The following ART3 variants were observed in gnomAD, a reference collection of about 807,000 sequenced individuals.
ART3 encodes ADP-ribosyltransferase 3 (inactive), also known as ecto-ADP-ribosyltransferase 3.
ART3 carries 49 observed loss-of-function variants against 48.5 expected under a neutral mutation model. The observed-to-expected ratio is 1.01, with a 90% CI of 0.80 to 1.28. ART3 has a LOEUF of 1.28. ART3 is among the 50% of genes most tolerant of loss of function. The pLI is 0.00. For synonymous variants in ART3, 145 were observed against 157.2 expected (o/e 0.92, Z 0.58); for missense variants, 438 against 454.3 (o/e 0.96, Z 0.33).
chr4:76,061,852 A>G (rs1719243775), intron 1 of ART3, among the ~76,000 whole-genome samples: 1 of 152,208 alleles, frequency 6.6e-6, no homozygotes, highest in Non-Finnish European at 1.5e-5. Context: ...GGGCTCAGTA[A>G]ATGTTGGTTT....
chr4:76,108,710 G>A (rs1054590654), intron 11 of ART3, among the ~76,000 whole-genome samples: 4 of 152,162 alleles, frequency 2.6e-5, no homozygotes, highest in South Asian at 4.1e-4. Flanking sequence ...TGATTTTGTC[G>A]TTGTGCAAAC....
chr4:76,103,867 A>G, intron 8 of ART3, 70 bp from the exon 9 acceptor site: 1 of 1,315,346 alleles, frequency 7.6e-7, no homozygotes, highest in Non-Finnish European at 1.0e-6. Flanking sequence ...GAGGAAATAT[A>G]GACAAAAGAA....
rs1734191385 is a variant in ART3, at chr4:76,034,759, G to A, written c.-10+23439G>A. ...TAAACTTGTTCTAGGTTTTTCAGAT[G>A]CTCTTTTCCAGGACTTCATATGTTT... On this transcript the variant is annotated intron_variant, in intron 1 of 9. Coordinates refer to the ART3 transcript ENST00000341029. The A allele has an allele frequency of 2.1e-6, 3 of 1,445,706 alleles. No individual in the cohort carries two copies. In the African/African-American group the frequency reaches 4.2e-5, roughly 20 times the overall value. The allele number at this position is 1,445,706 out of a possible 1,614,324, so 89.6% of individuals were successfully genotyped here.
chr4:76,079,046 A>C (rs952675387), intron 2 of ART3, among the ~76,000 whole-genome samples: 7 of 152,044 alleles, frequency 4.6e-5, no homozygotes, highest in African/African-American at 1.4e-4. Context: ...GTGCCACTGC[A>C]CTCCAGCCTG....
chr4:76,028,468 G>A (rs1296024201), intron 1 of ART3, among the ~76,000 whole-genome samples: 3 of 152,170 alleles, frequency 2.0e-5, no homozygotes, highest in African/African-American at 7.2e-5. Flanking sequence ...AGACAACAAT[G>A]AAAAAAGGAA....
chr4:76,102,436 A>G lies in ART3; in HGVS notation c.937+1417A>G, dbSNP rs1387833671. On this transcript the variant is annotated intron_variant, in intron 8 of 11. Coordinates refer to ENST00000355810, the MANE Select transcript of ART3 (RefSeq NM_001130016.3). Reference sequence around the variant, plus strand: ...TGGTCTGTTGGGGCCTTCTGCAGAAACTTAGTCTGAAGCAATGGCCTCCTA... The same window carrying G: ...TGGTCTGTTGGGGCCTTCTGCAGAAGCTTAGTCTGAAGCAATGGCCTCCTA... Among the ~76,000 whole-genome samples the G allele has an allele frequency of 5.9e-5, 9 of 152,128 alleles. No homozygotes were observed. The East Asian group carries it at 1.7e-3, about 29-fold the overall frequency.
rs537673129 is a variant in ART3, at chr4:76,043,549, C to T, written c.-10+32229C>T. Among the ~76,000 whole-genome samples, 164 of 152,242 alleles carry T rather than the reference C, an allele frequency of 1.1e-3. 2 individuals are homozygous for T. The highest frequency in any genetic ancestry group is 0.01 in the Middle Eastern group (3 of 294). The stretch of plus-strand genomic sequence containing the variant: ...CCTGGGTGCTAAGCCCCTCATTGCC[C>T]GGGGCCGGCAGGGCTGGCCAGCTGT... On this transcript the variant is annotated intron_variant, in intron 1 of 9. Coordinates refer to the ART3 transcript ENST00000341029.
chr4:76,083,174 G>A (rs1351555604), intron 3 of ART3, among the ~76,000 whole-genome samples: 3 of 152,120 alleles, frequency 2.0e-5, no homozygotes, highest in Non-Finnish European at 4.4e-5. Context: ...CTGCAGTCTT[G>A]CAGCAGAGCA....
At chr4:76,045,927 C>T (rs1439226452) in intron 1 of ART3, among the ~76,000 whole-genome samples, 2 of 152,078 alleles carry the variant, frequency 1.3e-5, no homozygotes. Flanking sequence ...GTCCCTTTGG[C>T]TAAGATTAGG....
At chr4:76,099,795 T>C (rs1200487089) in intron 5 of ART3, among the ~76,000 whole-genome samples, 2 of 152,254 alleles carry the variant, frequency 1.3e-5, no homozygotes, top group Non-Finnish European at 2.9e-5. Context: ...TTATCATGTG[T>C]TTGGCTCATG....
In ART3 at chr4:76,112,496, A is replaced by G. The variant is rs1315644943; in HGVS notation, c.1147A>G (p.Ile383Val). Reference sequence around the variant, plus strand: ...CATCATTTTAATCAGTGTTTCTGCTATAAATCTCTTTGTTGCTCTGTAGTT... The same window carrying G: ...CATCATTTTAATCAGTGTTTCTGCTGTAAATCTCTTTGTTGCTCTGTAGTT... ...MVIILISVSA[I>V]NLFVAL The change falls in exon 12 of 12, where the codon ATA becomes GTA. Residue 383 changes from isoleucine (I) to valine (V), a missense_variant. Around this residue, in one of 3 missense-constraint regions of ART3, gnomAD observed 227 missense variants for 229.6 expected, o/e 0.99. Transcript: ENST00000355810. 10 of 1,613,876 alleles carry G rather than the reference A, an allele frequency of 6.2e-6. No homozygotes were observed. Among genetic ancestry groups the G allele is most frequent in the Non-Finnish European group, 8.5e-6 (10 of 1,179,884 alleles).
At chr4:76,105,875 A>C in intron 10 of ART3, 1 of 985,446 alleles carries the variant, frequency 1.0e-6, no homozygotes, top group Non-Finnish European at 1.2e-6. Context: ...TAGAAATAGC[A>C]TCATCCAAGA....
At chr4:76,018,819 G>C (rs558609930) in intron 1 of ART3, among the ~76,000 whole-genome samples, 1 of 152,122 alleles carries the variant, frequency 6.6e-6, no homozygotes, top group Admixed American at 6.5e-5. Flanking sequence ...CCTGAGCTCA[G>C]AAGTTTGAGA....
At chr4:76,051,628 C>T (rs1029723445) in intron 1 of ART3, among the ~76,000 whole-genome samples, 2 of 151,762 alleles carry the variant, frequency 1.3e-5, no homozygotes, top group African/African-American at 4.8e-5. Flanking sequence ...CAGTATCTGC[C>T]TCCCGGGCAC....
chr4:76,038,192 A>G (rs1734617047), intron 1 of ART3, among the ~76,000 whole-genome samples: 1 of 152,104 alleles, frequency 6.6e-6, no homozygotes, highest in Non-Finnish European at 1.5e-5. Flanking sequence ...TGAGTATAGT[A>G]CAATAAGATA....
At chr4:76,068,267 A>G (rs1719939991) in intron 1 of ART3, among the ~76,000 whole-genome samples, 1 of 152,216 alleles carries the variant, frequency 6.6e-6, no homozygotes, top group Non-Finnish European at 1.5e-5. Context: ...CAATCATGAT[A>G]TAAAACATTT....
intron 3 of ART3, among the ~76,000 whole-genome samples, chr4:76,093,126 A>C (rs185205544): frequency 6.6e-6 from 1 of 152,200 alleles, no homozygotes; most frequent in Admixed American, 6.5e-5. Flanking sequence ...TTCAGTCAGA[A>C]ACAGCATGTT....
chr4:76,052,839 G>A (rs962713844), intron 1 of ART3, among the ~76,000 whole-genome samples: 12 of 151,254 alleles, frequency 7.9e-5, no homozygotes, highest in South Asian at 2.1e-4. Context: ...AGCAATTCTC[G>A]TGCCTCAGCC....
chr4:76,016,614 A>C (rs1247091086), intron 1 of ART3, among the ~76,000 whole-genome samples: 1 of 152,164 alleles, frequency 6.6e-6, no homozygotes, highest in Non-Finnish European at 1.5e-5. Context: ...CAGCTCTACC[A>C]TCAGCATGTG....
Sources: gnomAD v4.1 joint callset for allele counts (sites outside exome capture counted in the v4.1 genomes callset) on GRCh38, gnomAD v4.1.1 for gene constraint, gnomAD v4.1.1 regional missense constraint, MANE v1.5 for transcripts, NCBI Gene and HGNC (gene_info 2026-07-23, HGNC 2026-07-21) for gene names.